Variants in CYRIA observed in about 807,000 individuals in gnomAD.
CYRIA encodes the protein CYFIP-related Rac1 interactor A.
A neutral mutation model predicts 43.9 loss-of-function variants in CYRIA; 15 were observed. That is an observed-to-expected ratio of 0.34 (90% CI 0.23 to 0.53). The LOEUF (loss-of-function observed/expected upper bound fraction) is 0.53. Ranked by LOEUF, CYRIA falls within the 20% of genes least tolerant of loss-of-function variation. CYRIA has a pLI of 0.94. For missense variants in CYRIA, 236 were observed against 394.2 expected, an observed-to-expected ratio of 0.60 and a Z score of 3.40; for synonymous variants, 117 against 136.0, an observed-to-expected ratio of 0.86 and a Z score of 0.97.
chr2:16,641,964 T>A (rs1669690753), intron 1 of CYRIA, among the ~76,000 whole-genome samples: 1 of 152,140 alleles, frequency 6.6e-6, no homozygotes, highest in Non-Finnish European at 1.5e-5. Context: ...GAGGTCAGGG[T>A]CTCTTAATTT....
chr2:16,559,323 C>A, intron 10 of CYRIA, 137 bp downstream of exon 10: 2 of 1,043,670 alleles, frequency 1.9e-6, no homozygotes, highest in Non-Finnish European at 2.7e-6. Context: ...GCTGTGAGGA[C>A]AGCTGCCAGG....
At chr2:16,663,433 G>T (rs1443483101) in intron 1 of CYRIA, among the ~76,000 whole-genome samples, 1 of 152,128 alleles carries the variant, frequency 6.6e-6, no homozygotes, top group Non-Finnish European at 1.5e-5. Flanking sequence ...GAAGGGACTG[G>T]CAGGGAATGG....
chr2:16,600,891 G>T (rs1401340310), intron 2 of CYRIA, among the ~76,000 whole-genome samples: 2 of 152,114 alleles, frequency 1.3e-5, no homozygotes, highest in African/African-American at 4.8e-5. Flanking sequence ...AATACTACAA[G>T]AAAATAAAAG....
At chr2:16,566,360 G>A (rs1666932923) in intron 3 of CYRIA, among the ~76,000 whole-genome samples, 1 of 152,112 alleles carries the variant, frequency 6.6e-6, no homozygotes, top group African/African-American at 2.4e-5. Flanking sequence ...TGCTTTGATT[G>A]AAAATCTGTG....
chr2:16,632,276 C>G (rs1034722951), intron 1 of CYRIA, among the ~76,000 whole-genome samples: 8 of 152,200 alleles, frequency 5.3e-5, no homozygotes, highest in Non-Finnish European at 1.2e-4. Context: ...GACACACTGA[C>G]ATTTGAGAAA....
chr2:16,587,638 T>C (rs530658613), intron 3 of CYRIA, among the ~76,000 whole-genome samples: 88 of 152,246 alleles, frequency 5.8e-4, no homozygotes, highest in African/African-American at 2.0e-3. Context: ...GTAGCTTCCA[T>C]AATTCCCACT....
intron 1 of CYRIA, among the ~76,000 whole-genome samples, chr2:16,653,279 C>T (rs1670020369): frequency 6.6e-6 from 1 of 152,222 alleles, no homozygotes; most frequent in African/African-American, 2.4e-5. Flanking sequence ...CTGGCCCTGG[C>T]CTCCCTGCAG....
chr2:16,589,140 C>G (rs1667835166), intron 2 of CYRIA, among the ~76,000 whole-genome samples: 1 of 152,090 alleles, frequency 6.6e-6, no homozygotes, highest in Non-Finnish European at 1.5e-5. Context: ...AGACATTCCT[C>G]TAACTCTGCT....
chr2:16,566,505 C>T (rs1010954475), intron 3 of CYRIA, among the ~76,000 whole-genome samples: 1 of 152,166 alleles, frequency 6.6e-6, no homozygotes, highest in African/African-American at 2.4e-5. Context: ...ATGTAGAGAG[C>T]ACTTCTCATT....
chr2:16,631,565 A>G (rs985104344), intron 1 of CYRIA, among the ~76,000 whole-genome samples: 1 of 152,246 alleles, frequency 6.6e-6, no homozygotes, highest in Non-Finnish European at 1.5e-5. Context: ...AAGCCCAACA[A>G]TCATAAACCT....
At chr2:16,629,359 C>T (rs1290753778) in intron 1 of CYRIA, among the ~76,000 whole-genome samples, 1 of 152,194 alleles carries the variant, frequency 6.6e-6, no homozygotes, top group Non-Finnish European at 1.5e-5. Flanking sequence ...TTTACTCTTT[C>T]CCTAAGAATC....
intron 2 of CYRIA, among the ~76,000 whole-genome samples, chr2:16,603,573 C>T (rs1293655238): frequency 1.3e-5 from 2 of 152,240 alleles, no homozygotes; most frequent in East Asian, 3.9e-4. Flanking sequence ...CTATTCTACA[C>T]CAGTAAAAAC....
Position 16,549,545 on chromosome 2 carries a change from C to T in CYRIA, c.*3391G>A, listed in dbSNP as rs1036382729. On this transcript the variant is annotated 3_prime_UTR_variant, in exon 12 of 12. Transcript: ENST00000381323. ...AAGGCAAAGCAGGCAAAAAAAATTA[C>T]AATGACTTCAGCAAACAACATATGA... 5 of 152,022 alleles carry T rather than the reference C, an allele frequency of 3.3e-5. No individual in the cohort carries two copies. The highest frequency in any genetic ancestry group is 1.2e-4 in the African/African-American group (5 of 41,414). The allele number at this position is 152,022 out of a possible 1,614,324, so 9.4% of individuals were successfully genotyped here.
At chr2:16,631,530 G>A (rs983873780) in intron 1 of CYRIA, among the ~76,000 whole-genome samples, 3 of 152,184 alleles carry the variant, frequency 2.0e-5, no homozygotes, top group African/African-American at 7.2e-5. Context: ...TGGAGGATGG[G>A]GCTGTAGAAA....
intron 2 of CYRIA, among the ~76,000 whole-genome samples, chr2:16,619,613 G>C (rs1668929880): frequency 6.6e-6 from 1 of 152,084 alleles, no homozygotes; most frequent in Admixed American, 6.5e-5. Flanking sequence ...TTCTTTTCTT[G>C]GTCCCCTTAC....
At chr2:16,645,914 T>C (rs1169884954) in intron 1 of CYRIA, among the ~76,000 whole-genome samples, 2 of 152,220 alleles carry the variant, frequency 1.3e-5, no homozygotes, top group East Asian at 1.9e-4. Flanking sequence ...TATTATCTAA[T>C]TGGGAAAAGA....
chr2:16,558,792 T>C (rs1369960324), intron 10 of CYRIA, among the ~76,000 whole-genome samples: 2 of 151,902 alleles, frequency 1.3e-5, no homozygotes, highest in East Asian at 3.9e-4. Context: ...TCCCTGTCCT[T>C]GTCAAGAAAT....
At chr2:16,649,769 G>A (rs967429493) in intron 1 of CYRIA, among the ~76,000 whole-genome samples, 2 of 152,130 alleles carry the variant, frequency 1.3e-5, no homozygotes, top group African/African-American at 4.8e-5. Context: ...ACAGGGCATG[G>A]TTATACAGTA....
chr2:16,602,128 G>T (rs939970449), intron 2 of CYRIA, among the ~76,000 whole-genome samples: 3 of 152,134 alleles, frequency 2.0e-5, no homozygotes, highest in Non-Finnish European at 4.4e-5. Flanking sequence ...CAATACAACA[G>T]CAGCCCTACC....
Sources: gnomAD v4.1 joint callset for allele counts (sites outside exome capture counted in the v4.1 genomes callset) on GRCh38, gnomAD v4.1.1 for gene constraint, MANE v1.5 for transcripts, NCBI Gene and HGNC (gene_info 2026-07-23, HGNC 2026-07-21) for gene names.